The following COL8A1 variants were observed in gnomAD, a reference collection of about 807,000 sequenced individuals.
COL8A1 encodes the protein collagen alpha-1(VIII) chain.
Under a neutral mutation model 42.7 loss-of-function variants are expected in COL8A1, and 21 were observed. The observed-to-expected ratio is 0.49, with a 90% CI of 0.35 to 0.71. The LOEUF is 0.71. Among genes scored for constraint, COL8A1 ranks in the 30% least tolerant of loss-of-function variants. The pLI, the probability that COL8A1 is intolerant of heterozygous loss-of-function variation, is 0.01. For synonymous variants in COL8A1, 367 were observed against 369.1 expected (o/e 0.99, Z 0.06); for missense variants, 788 against 962.4 (o/e 0.82, Z 2.40).
At chr3:99,747,024 T>C (rs910655418) in intron 2 of COL8A1, among the ~76,000 whole-genome samples, 5 of 152,154 alleles carry the variant, frequency 3.3e-5, no homozygotes, top group African/African-American at 1.2e-4. Context: ...ATGTAGATAA[T>C]GACCAAAAAA....
intron 1 of COL8A1, among the ~76,000 whole-genome samples, chr3:99,713,119 C>G (rs913420079): frequency 3.3e-5 from 5 of 152,094 alleles, no homozygotes; most frequent in African/African-American, 1.2e-4. Context: ...CAAACATTAT[C>G]TCAGTTAATC....
At chr3:99,783,815 T>C (rs1390354040) in intron 2 of COL8A1, among the ~76,000 whole-genome samples, 1 of 152,172 alleles carries the variant, frequency 6.6e-6, no homozygotes, top group African/African-American at 2.4e-5. Flanking sequence ...ATCATGAGAA[T>C]AGCACAGGGT....
At chr3:99,758,262 C>CT (rs1215395411) in intron 2 of COL8A1, among the ~76,000 whole-genome samples, 3 of 151,824 alleles carry the variant, frequency 2.0e-5, no homozygotes, top group African/African-American at 7.3e-5. Flanking sequence ...AGGTAAAAAC[C>CT]TTTTTTTTCT....
chr3:99,792,520 C>T (rs188711752), intron 3 of COL8A1, among the ~76,000 whole-genome samples: 49 of 152,340 alleles, frequency 3.2e-4, no homozygotes, highest in African/African-American at 1.2e-3. Flanking sequence ...ACAGCACGTG[C>T]TGTGTATTTC....
intron 2 of COL8A1, among the ~76,000 whole-genome samples, chr3:99,786,791 C>T (rs1163396570): frequency 3.3e-5 from 5 of 152,100 alleles, no homozygotes; most frequent in Non-Finnish European, 7.4e-5. Context: ...ATAGGTATAT[C>T]TAATGAATGA....
chr3:99,771,870 A>T (rs1446919536), intron 2 of COL8A1, among the ~76,000 whole-genome samples: 1 of 152,190 alleles, frequency 6.6e-6, no homozygotes, highest in Non-Finnish European at 1.5e-5. Flanking sequence ...CCTCTGAGTG[A>T]GCCTCAGACT....
At chr3:99,672,485 A>T (rs1489777941) in intron 1 of COL8A1, among the ~76,000 whole-genome samples, 2 of 151,628 alleles carry the variant, frequency 1.3e-5, no homozygotes, top group African/African-American at 4.8e-5. Flanking sequence ...GAGGTTTTTT[A>T]AAAATTTTAT....
chr3:99,687,118 AC>A (rs1370315628), intron 1 of COL8A1, among the ~76,000 whole-genome samples: 4 of 152,194 alleles, frequency 2.6e-5, no homozygotes, highest in African/African-American at 9.6e-5. Context: ...TGCTGGGATT[AC>A]AGGCAGGAGC....
chr3:99,686,670 T>C (rs965153542), intron 1 of COL8A1, among the ~76,000 whole-genome samples: 1 of 152,200 alleles, frequency 6.6e-6, no homozygotes, highest in Admixed American at 6.5e-5. Context: ...CTGAGCTCTA[T>C]AACTGCTCAT....
At chr3:99,677,166 C>T (rs1055653137) in intron 1 of COL8A1, among the ~76,000 whole-genome samples, 2 of 151,462 alleles carry the variant, frequency 1.3e-5, no homozygotes, top group Admixed American at 6.6e-5. Context: ...ATAAGCACAT[C>T]AATTTTAGCA....
intron 2 of COL8A1, among the ~76,000 whole-genome samples, chr3:99,748,134 C>A (rs62283492): frequency 0.078 from 11,807 of 152,238 alleles, 575 homozygotes; most frequent in Middle Eastern, 0.11. Flanking sequence ...ATTTGAGACC[C>A]AGTGAAACTA....
chr3:99,660,609 C>T (rs915285088), intron 1 of COL8A1, among the ~76,000 whole-genome samples: 2 of 152,152 alleles, frequency 1.3e-5, no homozygotes, highest in Non-Finnish European at 2.9e-5. Flanking sequence ...TGGGCTTCTC[C>T]TATAATTTCT....
chr3:99,729,717 A>G (rs1940446320), intron 1 of COL8A1, among the ~76,000 whole-genome samples: 2 of 152,024 alleles, frequency 1.3e-5, no homozygotes. Flanking sequence ...CCAAAGGCTT[A>G]AAGAGTTCCT....
chr3:99,669,123 TTA>T (rs775831851), intron 1 of COL8A1, among the ~76,000 whole-genome samples: 4,089 of 96,380 alleles, frequency 0.042, 89 homozygotes, highest in Middle Eastern at 0.072. Flanking sequence ...CTTAAAAAAA[TTA>T]TATATATATA....
At chr3:99,764,862 T>A (rs1016219573) in intron 2 of COL8A1, among the ~76,000 whole-genome samples, 1 of 152,034 alleles carries the variant, frequency 6.6e-6, no homozygotes, top group East Asian at 1.9e-4. Flanking sequence ...CAATGTAAAG[T>A]GCTTTTAACA....
chr3:99,649,867 T>C (rs944450585), intron 1 of COL8A1, among the ~76,000 whole-genome samples: 7 of 152,190 alleles, frequency 4.6e-5, no homozygotes, highest in Non-Finnish European at 7.3e-5. Context: ...GGGCATAAGA[T>C]GAATGCCTAA....
At chr3:99,779,807 C>T (rs926378087) in intron 2 of COL8A1, among the ~76,000 whole-genome samples, 1 of 150,156 alleles carries the variant, frequency 6.7e-6, no homozygotes, top group Non-Finnish European at 1.5e-5. Context: ...CCTCCATGAT[C>T]CTGCATTCAG....
intron 2 of COL8A1, among the ~76,000 whole-genome samples, chr3:99,748,952 T>C (rs1448636646): frequency 5.3e-5 from 8 of 152,198 alleles, no homozygotes; most frequent in African/African-American, 1.2e-4. Context: ...TATGTTCCCA[T>C]TAAACATTAT....
chr3:99,756,893 A>G (rs1941264536), intron 2 of COL8A1, among the ~76,000 whole-genome samples: 1 of 152,262 alleles, frequency 6.6e-6, no homozygotes, highest in South Asian at 2.1e-4. Flanking sequence ...CTGAAGGATC[A>G]CTAAATTCCA....
Sources: gnomAD v4.1 joint callset for allele counts (sites outside exome capture counted in the v4.1 genomes callset) on GRCh38, gnomAD v4.1.1 for gene constraint, MANE v1.5 for transcripts, NCBI Gene and HGNC (gene_info 2026-07-23, HGNC 2026-07-21) for gene names.